TTC17: variants seen among roughly 807,000 people sequenced by gnomAD.
TTC17 encodes the protein tetratricopeptide repeat protein 17.
Under a neutral mutation model 143.8 loss-of-function variants are expected in TTC17, and 58 were observed. That is an observed-to-expected ratio of 0.40 (90% CI 0.33 to 0.50). The LOEUF (loss-of-function observed/expected upper bound fraction) is 0.50, where lower values mean the gene tolerates loss of function less well. Ranked by LOEUF, TTC17 falls within the 20% of genes least tolerant of loss-of-function variation. The pLI is 0.49. For missense variants in TTC17, 1,273 were observed against 1,392.5 expected, an observed-to-expected ratio of 0.91 and a Z score of 1.37; for synonymous variants, 501 against 497.8, an observed-to-expected ratio of 1.01 and a Z score of -0.09.
chr11:43,378,438 T>C (rs1223504908), intron 1 of TTC17, among the ~76,000 whole-genome samples: 1 of 152,236 alleles, frequency 6.6e-6, no homozygotes, highest in African/African-American at 2.4e-5. Context: ...TCCCATTCCA[T>C]TGGACAGTGG....
At chr11:43,436,051 A>G (rs992724817) in intron 16 of TTC17, 1 of 935,008 alleles carries the variant, frequency 1.1e-6, no homozygotes, top group Admixed American at 4.3e-5. Context: ...GTTCTGCTGA[A>G]GAAAAACCGG....
chr11:43,464,447 A>G (rs550532829), intron 21 of TTC17, among the ~76,000 whole-genome samples: 3 of 152,290 alleles, frequency 2.0e-5, no homozygotes, highest in Non-Finnish European at 4.4e-5. Flanking sequence ...TAATAGACTC[A>G]AAATTCATAC....
At chr11:43,400,759 G>A (rs1857818020) in intron 9 of TTC17, among the ~76,000 whole-genome samples, 2 of 152,140 alleles carry the variant, frequency 1.3e-5, no homozygotes, top group Non-Finnish European at 2.9e-5. Flanking sequence ...CATAAAAATA[G>A]AACCACTGGT....
chr11:43,486,765 G>T (rs1948389132), intron 21 of TTC17, among the ~76,000 whole-genome samples: 1 of 152,114 alleles, frequency 6.6e-6, no homozygotes, highest in East Asian at 1.9e-4. Context: ...ACTTGGCACG[G>T]TGACTCATTC....
chr11:43,382,848 A>G (rs1053366344), intron 2 of TTC17, among the ~76,000 whole-genome samples: 4 of 152,176 alleles, frequency 2.6e-5, no homozygotes, highest in Non-Finnish European at 4.4e-5. Flanking sequence ...GGCAAACTCT[A>G]CAGAACAAAC....
intron 1 of TTC17, among the ~76,000 whole-genome samples, chr11:43,362,359 G>T (rs970779151): frequency 6.6e-6 from 1 of 152,116 alleles, no homozygotes; most frequent in African/African-American, 2.4e-5. Context: ...TTTCCCAGGA[G>T]AGATGAAAAT....
intron 21 of TTC17, among the ~76,000 whole-genome samples, chr11:43,487,884 AC>A (rs1223914598): frequency 2.0e-5 from 3 of 152,248 alleles, no homozygotes; most frequent in East Asian, 3.9e-4. Flanking sequence ...TGCACACAGG[AC>A]CCTGGTGTGT....
At chr11:43,384,103 C>T (rs1857079879) in intron 2 of TTC17, among the ~76,000 whole-genome samples, 1 of 150,668 alleles carries the variant, frequency 6.6e-6, no homozygotes, top group Admixed American at 6.6e-5. Context: ...TATGATAGTA[C>T]CACCGCACTC....
At chr11:43,421,098 A>T (rs1204902630) in intron 16 of TTC17, among the ~76,000 whole-genome samples, 1 of 152,198 alleles carries the variant, frequency 6.6e-6, no homozygotes, top group Non-Finnish European at 1.5e-5. Context: ...GTAGAGGGAA[A>T]CAGAGAGTAG....
At position 43,450,200 on chromosome 11, in the gene TTC17, C is replaced by T. The variant is rs750574979; in HGVS notation, c.2905C>T (p.Arg969Ter). ...TLDHLHGVSNRASLHYTGESQ... is the reference protein window; with the variant it reads ...TLDHLHGVSN ...GGACCACTTGCATGGGGTTTCCAAC[C>T]GAGCCAGCCTGCACTACACAGGGGA... The change falls in exon 20 of 24, where the codon CGA becomes TGA. Residue 969 changes from arginine (R) to a stop codon, truncating the protein, a stop_gained. Coordinates refer to ENST00000039989, the MANE Select transcript of TTC17 (RefSeq NM_018259.6). LOFTEE classifies it high-confidence loss of function. 3 of 1,614,074 alleles carry T rather than the reference C, an allele frequency of 1.9e-6. No individual in the cohort carries two copies. Among genetic ancestry groups the T allele is most frequent in the South Asian group, 1.1e-5 (1 of 91,068 alleles).
At chr11:43,402,831 G>C (rs1293343313) in intron 10 of TTC17, among the ~76,000 whole-genome samples, 4 of 152,124 alleles carry the variant, frequency 2.6e-5, no homozygotes, top group African/African-American at 9.7e-5. Flanking sequence ...TCTAATCGTA[G>C]ATACAGAAAT....
chr11:43,414,872 A>G (rs904181457), intron 16 of TTC17, 96 bp downstream of exon 16: 10 of 1,354,984 alleles, frequency 7.4e-6, no homozygotes, highest in East Asian at 2.4e-5. Flanking sequence ...TATTTTACCC[A>G]AGGATTTTAG....
intron 16 of TTC17, among the ~76,000 whole-genome samples, chr11:43,416,429 T>G (rs1946781702): frequency 6.6e-6 from 1 of 152,176 alleles, no homozygotes; most frequent in Non-Finnish European, 1.5e-5. Flanking sequence ...GCATTAATTT[T>G]ACATGTTTTT....
chr11:43,476,947 T>C (rs915140675), intron 21 of TTC17, among the ~76,000 whole-genome samples: 3 of 152,250 alleles, frequency 2.0e-5, no homozygotes, highest in Admixed American at 6.5e-5. Flanking sequence ...TTCTAAACTT[T>C]TATGTTCTGC....
At chr11:43,407,297 T>C in intron 14 of TTC17, 56 bp from the exon 15 acceptor site, 1 of 1,577,944 alleles carries the variant, frequency 6.3e-7, no homozygotes, top group South Asian at 1.2e-5. Flanking sequence ...TTAAAAATCT[T>C]ATTTAGAACA....
Position 43,396,773 on chromosome 11 carries a change from A to G in TTC17, c.728A>G (p.Tyr243Cys). 6.2e-7 allele frequency: 1 copy of G among 1,611,516 alleles called. No individual in the cohort carries two copies. Among genetic ancestry groups the G allele is most frequent in the Non-Finnish European group, 8.5e-7 (1 of 1,177,996 alleles). Residue 243 changes from tyrosine (Y) to cysteine (C), a missense_variant, in exon 6 of 24, where the codon TAT becomes TGT. Physicochemically the swap from Tyr to Cys is radical, Grantham distance 194. Around this residue, in one of 3 missense-constraint regions of TTC17, gnomAD observed 325 missense variants for 444.2 expected, o/e 0.73. Transcript: ENST00000039989. Reference protein sequence around the residue: ...SFYWRIKNEPYQVVECAMRAL... With the variant: ...SFYWRIKNEPCQVVECAMRAL... ...TACTGGAGAATTAAGAATGAGCCATATCAGGTAGTAGAATGTGCCATGCGA... is the reference window on the plus strand; with the variant it reads ...TACTGGAGAATTAAGAATGAGCCATGTCAGGTAGTAGAATGTGCCATGCGA...
intron 15 of TTC17, 66 bp from the exon 16 acceptor site, chr11:43,414,524 A>C: frequency 6.6e-7 from 1 of 1,525,492 alleles, no homozygotes; most frequent in South Asian, 1.3e-5. Flanking sequence ...CATATACTGT[A>C]AACGTTTTGT....
At chr11:43,366,385 A>G (rs1297017116) in intron 1 of TTC17, among the ~76,000 whole-genome samples, 2 of 151,988 alleles carry the variant, frequency 1.3e-5, no homozygotes, top group East Asian at 3.9e-4. Flanking sequence ...GCGCACCTGT[A>G]ATCAAAGCTA....
At chr11:43,457,359 G>A (rs530566507) in intron 21 of TTC17, among the ~76,000 whole-genome samples, 1 of 151,988 alleles carries the variant, frequency 6.6e-6, no homozygotes, top group Non-Finnish European at 1.5e-5. Context: ...AAACTGCCCT[G>A]ATGAAGTATA....
Sources: allele counts gnomAD v4.1 joint callset (sites outside exome capture counted in the v4.1 genomes callset), GRCh38; gene constraint gnomAD v4.1.1; regional missense constraint gnomAD v4.1.1; transcripts MANE v1.5; gene names NCBI Gene and HGNC (gene_info 2026-07-23, HGNC 2026-07-21).